NTM: variants seen among roughly 807,000 people sequenced by gnomAD.
The protein encoded by NTM is neurotrimin.
NTM carries 13 observed loss-of-function variants against 42.1 expected under a neutral mutation model. That is an observed-to-expected ratio of 0.31 (90% confidence interval 0.20 to 0.49). The LOEUF is 0.49. Ranked by LOEUF, NTM falls within the 20% of genes least tolerant of loss-of-function variation. NTM has a pLI of 0.99. For synonymous variants in NTM, 187 were observed against 179.2 expected (o/e 1.04, Z -0.35); for missense variants, 373 against 452.8 (o/e 0.82, Z 1.60).
chr11:131,703,030 A>G (rs2135198168), intron 1 of NTM, among the ~76,000 whole-genome samples: 1 of 152,326 alleles, frequency 6.6e-6, no homozygotes, highest in Non-Finnish European at 1.5e-5. Flanking sequence ...CTGATTAACT[A>G]TTAGTGAAAA....
At chr11:132,198,812 C>T (rs2080711919) in intron 3 of NTM, among the ~76,000 whole-genome samples, 1 of 152,172 alleles carries the variant, frequency 6.6e-6, no homozygotes, top group African/African-American at 2.4e-5. Flanking sequence ...TGTCTCAGGA[C>T]ATGTACTTTA....
chr11:132,007,046 A>G (rs771566219), intron 2 of NTM, among the ~76,000 whole-genome samples: 2 of 152,196 alleles, frequency 1.3e-5, no homozygotes, highest in Non-Finnish European at 2.9e-5. Flanking sequence ...GTGACTTTCA[A>G]GACTGTGACT....
At chr11:131,907,775 C>T (rs78271151) in intron 1 of NTM, among the ~76,000 whole-genome samples, 1,548 of 152,022 alleles carry the variant, frequency 0.01, 17 homozygotes, top group African/African-American at 0.035. Flanking sequence ...TTCATTAACT[C>T]GGATATGCTG....
intron 1 of NTM, among the ~76,000 whole-genome samples, chr11:131,504,277 A>C (rs189656747): frequency 6.6e-6 from 1 of 152,120 alleles, no homozygotes; most frequent in South Asian, 2.1e-4. Flanking sequence ...CTGACTTGCA[A>C]ATGCAGACCC....
intron 1 of NTM, among the ~76,000 whole-genome samples, chr11:131,589,179 G>GTA (rs1274274668): frequency 6.0e-4 from 91 of 151,874 alleles, no homozygotes; most frequent in Non-Finnish European, 2.4e-4. Flanking sequence ...GTGTGTGTGT[G>GTA]TGTGTGTGTG....
intron 2 of NTM, among the ~76,000 whole-genome samples, chr11:132,067,092 C>A (rs1406359499): frequency 2.0e-5 from 3 of 152,124 alleles, no homozygotes; most frequent in Non-Finnish European, 4.4e-5. Context: ...GTAGCTGGAA[C>A]CATAGGCATG....
chr11:131,961,372 A>G lies in NTM; in HGVS notation c.167+49724A>G, dbSNP rs562683273. Among the ~76,000 whole-genome samples the G allele has an allele frequency of 2.5e-4, 38 of 152,264 alleles. 1 individual carries two copies. Among genetic ancestry groups the G allele is most frequent in the Admixed American group, 1.4e-3 (21 of 15,302 alleles). On this transcript the variant is annotated intron_variant, in intron 2 of 8. Transcript: ENST00000683400. ...AAGAGACAGAAATCTTTCTGATTCA[A>G]TTTTTCAGAGGCTATTCCAAAGCTT...
chr11:132,293,509 G>A (rs1445733337), intron 4 of NTM, among the ~76,000 whole-genome samples: 3 of 152,112 alleles, frequency 2.0e-5, no homozygotes, highest in Admixed American at 6.5e-5. Flanking sequence ...AGGGTGGGGA[G>A]GATGTGGAGT....
intron 1 of NTM, among the ~76,000 whole-genome samples, chr11:131,704,058 G>C (rs1461776742): frequency 1.4e-5 from 2 of 145,174 alleles, no homozygotes; most frequent in Non-Finnish European, 3.0e-5. Context: ...CAGGCTCTAG[G>C]CCAGCCCTTA....
At chr11:131,522,124 G>A (rs532672575) in intron 1 of NTM, among the ~76,000 whole-genome samples, 12 of 152,228 alleles carry the variant, frequency 7.9e-5, no homozygotes, top group South Asian at 2.1e-4. Flanking sequence ...AATCAGCTTC[G>A]TCAACGTATG....
chr11:132,241,608 C>T (rs1460545318), intron 4 of NTM, among the ~76,000 whole-genome samples: 1 of 152,218 alleles, frequency 6.6e-6, no homozygotes, highest in East Asian at 1.9e-4. Context: ...CAGGCATGCT[C>T]ACCTCTTGCC....
intron 1 of NTM, among the ~76,000 whole-genome samples, chr11:131,484,896 G>C (rs1469743687): frequency 6.6e-6 from 1 of 152,142 alleles, no homozygotes; most frequent in Non-Finnish European, 1.5e-5. Context: ...TGGAACATAA[G>C]CATTGAAATC....
At chr11:132,176,510 G>T (rs973585101) in intron 3 of NTM, among the ~76,000 whole-genome samples, 2 of 152,010 alleles carry the variant, frequency 1.3e-5, no homozygotes, top group Non-Finnish European at 2.9e-5. Context: ...TCTAAATTAG[G>T]TTATGCATGT....
intron 4 of NTM, among the ~76,000 whole-genome samples, chr11:132,283,348 C>T (rs1468437586): frequency 6.6e-6 from 1 of 152,034 alleles, no homozygotes; most frequent in East Asian, 1.9e-4. Context: ...TAATTTTTTC[C>T]AAGTTGGTAA....
intron 4 of NTM, among the ~76,000 whole-genome samples, chr11:132,272,238 G>A (rs1425320041): frequency 6.6e-6 from 1 of 152,024 alleles, no homozygotes; most frequent in African/African-American, 2.4e-5. Flanking sequence ...ATTGTTCTAT[G>A]TATTTCTCCT....
chr11:131,395,175 G>A (rs1054530446), intron 1 of NTM, among the ~76,000 whole-genome samples: 12 of 152,162 alleles, frequency 7.9e-5, no homozygotes, highest in African/African-American at 2.9e-4. Context: ...GCCCATTTGT[G>A]TGTGGACTCT....
rs569299489 is a variant in NTM at position 131,689,671 on chromosome 11, G to A, written c.83-221893G>A. On this transcript the variant is annotated intron_variant, in intron 1 of 8. Coordinates refer to ENST00000683400, the MANE Select transcript of NTM (RefSeq NM_001352005.2). ...GCAGCCTTCTGAGAGGACGGAAAAC[G>A]GAAGGCCAGCAAGGGTGCCATGGAT... is the stretch of plus-strand genomic sequence containing the variant. Among the ~76,000 whole-genome samples, 384 of 152,246 alleles carry A rather than the reference G, an allele frequency of 2.5e-3. 1 individual carries two copies. The highest frequency in any genetic ancestry group is 9.0e-3 in the African/African-American group (372 of 41,550).
intron 1 of NTM, among the ~76,000 whole-genome samples, chr11:131,433,109 G>A (rs1018559510): frequency 6.6e-6 from 1 of 151,772 alleles, no homozygotes; most frequent in Admixed American, 6.6e-5. Context: ...CCCCCGTCTC[G>A]GCCTCCCAAA....
chr11:131,840,153 C>T (rs144890022), intron 1 of NTM, among the ~76,000 whole-genome samples: 2,090 of 152,266 alleles, frequency 0.014, 24 homozygotes, highest in Non-Finnish European at 0.019. Context: ...ATGTACCAGA[C>T]ACATGCATTG....
Sources: gnomAD v4.1 joint callset for allele counts (sites outside exome capture counted in the v4.1 genomes callset) on GRCh38, gnomAD v4.1.1 for gene constraint, MANE v1.5 for transcripts, NCBI Gene and HGNC (gene_info 2026-07-23, HGNC 2026-07-21) for gene names.